ERLEC1: variants seen among roughly 807,000 people sequenced by gnomAD.
The protein encoded by ERLEC1 is ER lectin.
Under a neutral mutation model 68.0 loss-of-function variants are expected in ERLEC1, and 47 were observed. The observed-to-expected ratio is 0.69, with a 90% confidence interval of 0.55 to 0.88. The LOEUF is 0.88. Among genes scored for constraint, ERLEC1 ranks in the 40% least tolerant of loss-of-function variants. ERLEC1 has a pLI of 0.00. For synonymous variants in ERLEC1, 225 were observed against 203.2 expected, an observed-to-expected ratio of 1.11 and a Z score of -0.91; for missense variants, 567 against 583.8, an observed-to-expected ratio of 0.97 and a Z score of 0.30.
At chr2:53,790,583 A>G (rs756845624) in intron 1 of ERLEC1, among the ~76,000 whole-genome samples, 9 of 152,180 alleles carry the variant, frequency 5.9e-5, no homozygotes, top group African/African-American at 1.7e-4. Flanking sequence ...ATTATTTACA[A>G]TCTTGCTTTC....
chr2:53,792,337 A>G (rs1217158267), intron 1 of ERLEC1, among the ~76,000 whole-genome samples: 1 of 151,786 alleles, frequency 6.6e-6, no homozygotes. Context: ...TTAAACAAGT[A>G]TCCTTGGCCA....
chr2:53,818,406 A>T lies in ERLEC1; in HGVS notation c.*437A>T, dbSNP rs574464087. 6.5e-6 allele frequency: 1 copy of T among 153,024 alleles called. No homozygotes were observed. The highest frequency in any genetic ancestry group is 2.1e-4 in the South Asian group (1 of 4,876). 9.5% of individuals were successfully genotyped at this position (153,024 alleles called of 1,614,324 possible). On this transcript the variant is annotated 3_prime_UTR_variant, in exon 14 of 14. Transcript: ENST00000185150. The stretch of plus-strand genomic sequence containing the variant: ...TAGGTGTAAATGAGAGACCATGTAA[A>T]ATATGTAAATTCTAGTACCTGAAAT...
Position 53,787,191 on chromosome 2 carries a change from G to A in ERLEC1, c.-20G>A. The A allele has an allele frequency of 6.3e-7, 1 of 1,587,386 alleles. No individual in the cohort carries two copies. Among genetic ancestry groups the A allele is most frequent in the East Asian group, 2.2e-5 (1 of 44,614 alleles). On this transcript the variant is annotated 5_prime_UTR_variant, in exon 1 of 14. Transcript: ENST00000185150. ...AGCAGAGGAGGTTGTGGCGGTGGCT[G>A]GAGAAAGCGGCGGCGGAGGATGGAG...
intron 8 of ERLEC1, among the ~76,000 whole-genome samples, chr2:53,805,625 C>T (rs1371730778): frequency 6.6e-6 from 1 of 151,840 alleles, no homozygotes; most frequent in African/African-American, 2.4e-5. Flanking sequence ...GCAGATATCT[C>T]TTCAATATAC....
intron 1 of ERLEC1, among the ~76,000 whole-genome samples, chr2:53,792,700 A>G (rs1038601563): frequency 6.6e-6 from 1 of 152,172 alleles, no homozygotes; most frequent in African/African-American, 2.4e-5. Flanking sequence ...AGTGGTGCCA[A>G]GTAGTACTGG....
chr2:53,804,658 T>C (rs988460073), intron 8 of ERLEC1, among the ~76,000 whole-genome samples: 1 of 152,184 alleles, frequency 6.6e-6, no homozygotes, highest in Non-Finnish European at 1.5e-5. Flanking sequence ...CCTCAAGCAT[T>C]TGTCCTTTGT....
chr2:53,795,872 A>G (rs1675665148), intron 2 of ERLEC1, 61 bp from the exon 3 acceptor site: 14 of 1,145,868 alleles, frequency 1.2e-5, no homozygotes, highest in Non-Finnish European at 1.5e-5. Context: ...TAATATCCAA[A>G]CAGCAAAGTT....
intron 6 of ERLEC1, among the ~76,000 whole-genome samples, chr2:53,801,151 A>T (rs1675980652): frequency 6.6e-6 from 1 of 152,192 alleles, no homozygotes; most frequent in African/African-American, 2.4e-5. Context: ...TTTACTTAAC[A>T]TGTTAATTTT....
rs1201256452 is a variant in ERLEC1, at chr2:53,791,914, A to T, written c.163-2431A>T. On this transcript the variant is annotated intron_variant, in intron 1 of 13. Coordinates refer to ENST00000185150, the MANE Select transcript of ERLEC1 (RefSeq NM_015701.5). The stretch of plus-strand genomic sequence containing the variant: ...CATCTATAATGCTCTTTTAAAAAAA[A>T]AAAAAAAAAAAAAAAAAGACGGAGC... 2.4e-3 allele frequency among the ~76,000 whole-genome samples: 303 copies of T among 126,364 alleles called. 2 individuals carry two copies. Among genetic ancestry groups the T allele is most frequent in the Non-Finnish European group, 4.6e-3 (241 of 52,626 alleles). 82.9% of individuals were successfully genotyped at this position (126,364 alleles called of 152,430 possible).
Position 53,809,358 on chromosome 2 carries a change from T to C in ERLEC1, c.1101+85T>C. 3 of 929,032 alleles carry C rather than the reference T, an allele frequency of 3.2e-6. No individual in the cohort carries two copies. In the Admixed American group the frequency reaches 8.9e-5, roughly 27 times the overall value. 57.5% of individuals were successfully genotyped at this position (929,032 alleles called of 1,614,324 possible). On this transcript the variant is annotated intron_variant, in intron 10 of 13. Transcript: ENST00000185150. ...TTGTAGAAAAAAAGGGGGAATGGTA[T>C]AACTTTTAATTATGAGATGATTTTA...
intron 8 of ERLEC1, among the ~76,000 whole-genome samples, chr2:53,802,457 G>C (rs769389200): frequency 6.6e-6 from 1 of 152,006 alleles, no homozygotes; most frequent in South Asian, 2.1e-4. Context: ...TCTTCTAAAG[G>C]CTTTTTAAAT....
At chr2:53,794,247 ATTAGT>A in intron 1 of ERLEC1, 93 bp from the exon 2 acceptor site, 1 of 530,786 alleles carries the variant, frequency 1.9e-6, no homozygotes, top group South Asian at 3.8e-5. Flanking sequence ...GAAATGTTAA[ATTAGT>A]TTAAAGAATC....
chr2:53,808,669 G>A (rs1445428699), intron 9 of ERLEC1, among the ~76,000 whole-genome samples: 2 of 152,106 alleles, frequency 1.3e-5, no homozygotes, highest in Non-Finnish European at 2.9e-5. Flanking sequence ...ATTTCACAAG[G>A]TAAAAATTTG....
At chr2:53,808,836 C>T (rs1007353954) in intron 9 of ERLEC1, among the ~76,000 whole-genome samples, 1 of 152,116 alleles carries the variant, frequency 6.6e-6, no homozygotes, top group Non-Finnish European at 1.5e-5. Context: ...ACTGTGTTAC[C>T]CAGGCTGATC....
intron 1 of ERLEC1, among the ~76,000 whole-genome samples, chr2:53,792,911 A>T (rs1220800838): frequency 6.6e-6 from 1 of 152,016 alleles, no homozygotes; most frequent in Non-Finnish European, 1.5e-5. Context: ...TAGGGAGGCT[A>T]AGGCGGGAGG....
At chr2:53,810,624 T>A (rs1474967604) in intron 10 of ERLEC1, among the ~76,000 whole-genome samples, 1 of 152,242 alleles carries the variant, frequency 6.6e-6, no homozygotes, top group African/African-American at 2.4e-5. Flanking sequence ...AGTGTATATT[T>A]GCCCACTCAT....
intron 13 of ERLEC1, among the ~76,000 whole-genome samples, chr2:53,817,316 G>A (rs1040164374): frequency 1.3e-5 from 2 of 151,914 alleles, no homozygotes; most frequent in East Asian, 3.9e-4. Context: ...TGTATTTTTA[G>A]TAGAGACGGG....
At chr2:53,810,281 G>A (rs1558604986) in intron 10 of ERLEC1, among the ~76,000 whole-genome samples, 1 of 151,858 alleles carries the variant, frequency 6.6e-6, no homozygotes, top group African/African-American at 2.4e-5. Context: ...AGCAGCCTGG[G>A]CAACATAGCA....
At chr2:53,805,239 T>G (rs1183703968) in intron 8 of ERLEC1, among the ~76,000 whole-genome samples, 1 of 151,996 alleles carries the variant, frequency 6.6e-6, no homozygotes, top group Non-Finnish European at 1.5e-5. Context: ...GGCAAGCTGG[T>G]CTCGAACTCC....
Sources: allele counts gnomAD v4.1 joint callset (sites outside exome capture counted in the v4.1 genomes callset), GRCh38; gene constraint gnomAD v4.1.1; transcripts MANE v1.5; gene names NCBI Gene and HGNC (gene_info 2026-07-23, HGNC 2026-07-21).